The following KLHL1 variants were observed in gnomAD, a reference collection of about 807,000 sequenced individuals.
KLHL1 encodes kelch-like protein 1.
A neutral mutation model predicts 77.7 loss-of-function variants in KLHL1; 47 were observed. That is an observed-to-expected ratio of 0.60 (90% CI 0.48 to 0.77). The LOEUF (loss-of-function observed/expected upper bound fraction) is 0.77. Ranked by LOEUF, KLHL1 falls within the 30% of genes least tolerant of loss-of-function variation. KLHL1 has a pLI of 0.00. For missense variants in KLHL1, 925 were observed against 910.8 expected, an observed-to-expected ratio of 1.02 and a Z score of -0.20; for synonymous variants, 360 against 325.2, an observed-to-expected ratio of 1.11 and a Z score of -1.15.
intron 6 of KLHL1, among the ~76,000 whole-genome samples, chr13:69,815,240 C>G (rs4319628): frequency 7.9e-5 from 12 of 152,112 alleles, no homozygotes; most frequent in Non-Finnish European, 1.6e-4. Flanking sequence ...TCTACTAAAA[C>G]GACACCTGCA....
chr13:69,923,257 C>T (rs771958725), intron 4 of KLHL1, among the ~76,000 whole-genome samples: 1 of 152,150 alleles, frequency 6.6e-6, no homozygotes, highest in East Asian at 1.9e-4. Flanking sequence ...AAAATTGGAA[C>T]AGAAAAACAA....
intron 5 of KLHL1, among the ~76,000 whole-genome samples, chr13:69,848,643 C>A (rs969122389): frequency 2.6e-5 from 4 of 151,420 alleles, no homozygotes; most frequent in African/African-American, 7.3e-5. Context: ...AAAATGAAAA[C>A]ACAAATTAAT....
chr13:69,763,459 T>A lies in KLHL1; in HGVS notation c.1640-22903A>T, dbSNP rs1373127170. Among the ~76,000 whole-genome samples the A allele has an allele frequency of 2.0e-5, 3 of 152,208 alleles. No individual in the cohort carries two copies. The East Asian group carries it at 5.8e-4, about 29-fold the overall frequency. On this transcript the variant is annotated intron_variant, in intron 7 of 10. Transcript: ENST00000377844. ...CAATAGTAGTGTCCCTGGTGCACTG[T>A]TTTCTCTCAAAAGTTGTTAATGTTT...
At chr13:70,096,507 A>G (rs1234549340) in intron 1 of KLHL1, among the ~76,000 whole-genome samples, 1 of 151,958 alleles carries the variant, frequency 6.6e-6, no homozygotes, top group Admixed American at 6.6e-5. Flanking sequence ...GAAAATGTCT[A>G]TTGATATCTT....
chr13:69,796,989 A>G, intron 6 of KLHL1, 27 bp from the exon 7 acceptor site: 1 of 1,574,488 alleles, frequency 6.4e-7, no homozygotes, highest in Non-Finnish European at 8.7e-7. Flanking sequence ...TCAAAAAGTC[A>G]CCAATTGCTA....
At chr13:69,958,212 T>A (rs1169026243) in intron 3 of KLHL1, among the ~76,000 whole-genome samples, 1 of 151,576 alleles carries the variant, frequency 6.6e-6, no homozygotes, top group Non-Finnish European at 1.5e-5. Flanking sequence ...CTCTCAATGA[T>A]ACCAAGGCCA....
At chr13:69,996,104 A>G (rs756423454) in intron 1 of KLHL1, among the ~76,000 whole-genome samples, 5 of 152,084 alleles carry the variant, frequency 3.3e-5, no homozygotes, top group Non-Finnish European at 7.4e-5. Flanking sequence ...GGAGACTGAG[A>G]CCATCCTGGC....
chr13:69,743,203 T>C (rs531903388), intron 7 of KLHL1, among the ~76,000 whole-genome samples: 1 of 152,216 alleles, frequency 6.6e-6, no homozygotes, highest in South Asian at 2.1e-4. Flanking sequence ...TTGAAGTTTG[T>C]TATAAGAGCA....
At chr13:69,864,253 T>C (rs1406323139) in intron 5 of KLHL1, among the ~76,000 whole-genome samples, 1 of 152,008 alleles carries the variant, frequency 6.6e-6, no homozygotes, top group South Asian at 2.1e-4. Context: ...AGAATAATAG[T>C]CTGTGCTATT....
intron 1 of KLHL1, among the ~76,000 whole-genome samples, chr13:70,055,704 T>C (rs967086425): frequency 1.3e-5 from 2 of 152,096 alleles, no homozygotes; most frequent in Non-Finnish European, 2.9e-5. Context: ...TTAACAGTTT[T>C]CTCTTTGTTA....
intron 4 of KLHL1, among the ~76,000 whole-genome samples, chr13:69,918,503 A>G (rs1373041607): frequency 1.3e-5 from 2 of 151,876 alleles, no homozygotes; most frequent in African/African-American, 4.8e-5. Context: ...TAAAAGAAAC[A>G]GAGTAAATGC....
intron 7 of KLHL1, among the ~76,000 whole-genome samples, chr13:69,773,431 T>A (rs1277816907): frequency 1.3e-5 from 2 of 152,072 alleles, no homozygotes; most frequent in Non-Finnish European, 1.5e-5. Context: ...ATTTTTCCTC[T>A]ATGAGATATA....
intron 7 of KLHL1, among the ~76,000 whole-genome samples, chr13:69,771,626 C>T (rs1353706392): frequency 6.6e-6 from 1 of 152,134 alleles, no homozygotes; most frequent in Non-Finnish European, 1.5e-5. Context: ...TTATGAAAGT[C>T]TAACTTGAGA....
intron 1 of KLHL1, among the ~76,000 whole-genome samples, chr13:70,077,582 T>A (rs1887294987): frequency 6.6e-6 from 1 of 152,032 alleles, no homozygotes; most frequent in African/African-American, 2.4e-5. Context: ...TGCAAACCCA[T>A]AGATTTTGGA....
intron 1 of KLHL1, among the ~76,000 whole-genome samples, chr13:69,994,385 T>C (rs1885098528): frequency 6.6e-6 from 1 of 152,128 alleles, no homozygotes; most frequent in African/African-American, 2.4e-5. Flanking sequence ...TGAGGAAACC[T>C]GCCTACTCTT....
intron 1 of KLHL1, among the ~76,000 whole-genome samples, chr13:70,007,807 C>T (rs1885440889): frequency 6.6e-6 from 1 of 151,834 alleles, no homozygotes; most frequent in South Asian, 2.1e-4. Context: ...GTCTCTGTAC[C>T]CACATGTTTC....
intron 7 of KLHL1, among the ~76,000 whole-genome samples, chr13:69,765,984 G>T (rs960642758): frequency 1.3e-5 from 2 of 152,286 alleles, no homozygotes; most frequent in South Asian, 2.1e-4. Context: ...AACAGATTCA[G>T]CTGGGGAAGA....
At chr13:69,907,797 G>T (rs1285896497) in intron 4 of KLHL1, among the ~76,000 whole-genome samples, 2 of 152,100 alleles carry the variant, frequency 1.3e-5, no homozygotes, top group African/African-American at 4.8e-5. Context: ...CAATGATTAA[G>T]TTTATATAAA....
At chr13:69,982,982 C>T (rs973481541) in intron 1 of KLHL1, among the ~76,000 whole-genome samples, 12 of 152,042 alleles carry the variant, frequency 7.9e-5, no homozygotes, top group Non-Finnish European at 1.5e-4. Context: ...CACCTAAAAT[C>T]TGTTAGAAAT....
Sources: allele counts gnomAD v4.1 joint callset (sites outside exome capture counted in the v4.1 genomes callset), GRCh38; gene constraint gnomAD v4.1.1; transcripts MANE v1.5; gene names NCBI Gene and HGNC (gene_info 2026-07-23, HGNC 2026-07-21).